The following TMEM175 variants were observed in gnomAD, a reference collection of about 807,000 sequenced individuals.
The protein encoded by TMEM175 is transmembrane protein 175, also known as endosomal/lysosomal proton channel TMEM175.
In TMEM175, 36 loss-of-function variants were observed where a neutral mutation model predicts 36.5. The ratio of observed to expected loss-of-function variants is 0.99; its 90% CI spans 0.76 to 1.30. The LOEUF (loss-of-function observed/expected upper bound fraction) is 1.30. TMEM175 is among the 50% of genes most tolerant of loss of function. The pLI, the probability that TMEM175 is intolerant of heterozygous loss-of-function variation, is 0.00. For synonymous variants in TMEM175, 339 were observed against 313.4 expected, an observed-to-expected ratio of 1.08 and a Z score of -0.86; for missense variants, 705 against 692.8, an observed-to-expected ratio of 1.02 and a Z score of -0.20.
intron 1 of TMEM175, among the ~76,000 whole-genome samples, chr4:946,698 C>G (rs1728180340): frequency 6.6e-6 from 1 of 152,180 alleles, no homozygotes; most frequent in African/African-American, 2.4e-5. Flanking sequence ...CTGTGCTGAG[C>G]CACAGCTGTG....
chr4:952,627 G>GTC (rs1196430178), intron 7 of TMEM175, among the ~76,000 whole-genome samples, 177 bp downstream of exon 7: 1 of 103,514 alleles, frequency 9.7e-6, no homozygotes, highest in East Asian at 3.2e-4. Flanking sequence ...GGGGTCCTGT[G>GTC]CTGTGTGTGT....
intron 1 of TMEM175, among the ~76,000 whole-genome samples, chr4:941,269 G>C (rs551412954): frequency 2.0e-5 from 3 of 147,736 alleles, no homozygotes; most frequent in African/African-American, 7.4e-5. Flanking sequence ...CCAGCTGCTC[G>C]GGAGGCTGAC....
chr4:948,013 C>G, intron 2 of TMEM175, 103 bp from the exon 3 acceptor site: 1 of 1,609,194 alleles, frequency 6.2e-7, no homozygotes, highest in Non-Finnish European at 8.5e-7. Context: ...CCTCAGGCAG[C>G]TTAGGGGGGC....
chr4:957,261 T>G (rs1729802692), intron 10 of TMEM175, among the ~76,000 whole-genome samples: 2 of 152,046 alleles, frequency 1.3e-5, no homozygotes, highest in Admixed American at 6.5e-5. Flanking sequence ...CTTCCCGATG[T>G]TGAAGGACGA....
intron 10 of TMEM175, chr4:956,519 T>A: frequency 8.3e-7 from 1 of 1,208,876 alleles, no homozygotes; most frequent in Non-Finnish European, 1.1e-6. Flanking sequence ...CTCAGCTCAC[T>A]GCAACCTCCG....
At chr4:944,203 G>C (rs1226620920) in intron 1 of TMEM175, among the ~76,000 whole-genome samples, 2 of 152,208 alleles carry the variant, frequency 1.3e-5, no homozygotes, top group African/African-American at 4.8e-5. Context: ...TGAGGCACAA[G>C]AATCGCTTGA....
intron 10 of TMEM175, chr4:956,791 T>C (rs1007766385): frequency 9.7e-6 from 3 of 308,264 alleles, no homozygotes. Context: ...CCTTTTGGAG[T>C]GTCTTGTTCC....
At chr4:940,223 C>T (rs1275899283) in intron 1 of TMEM175, among the ~76,000 whole-genome samples, 1 of 152,064 alleles carries the variant, frequency 6.6e-6, no homozygotes, top group Non-Finnish European at 1.5e-5. Context: ...CCAAGGCAGT[C>T]AGATCAACTG....
At chr4:941,940 A>G (rs546413678) in intron 1 of TMEM175, among the ~76,000 whole-genome samples, 1 of 151,910 alleles carries the variant, frequency 6.6e-6, no homozygotes, top group East Asian at 1.9e-4. Context: ...TCATGAAATG[A>G]TTTTCTCCGG....
intron 1 of TMEM175, among the ~76,000 whole-genome samples, chr4:933,609 C>T (rs2152994737): frequency 6.6e-6 from 1 of 152,262 alleles, no homozygotes; most frequent in East Asian, 1.9e-4. Context: ...CTAGAGTGGT[C>T]CCTTGAGGTA....
chr4:937,256 C>T (rs1398415711), intron 1 of TMEM175, among the ~76,000 whole-genome samples: 1 of 152,104 alleles, frequency 6.6e-6, no homozygotes, highest in East Asian at 1.9e-4. Context: ...GTTGACAAAT[C>T]TTCCCTTAAA....
intron 10 of TMEM175, chr4:956,491 G>A (rs1729673374): frequency 2.0e-5 from 25 of 1,262,746 alleles, no homozygotes; most frequent in Non-Finnish European, 2.6e-5. Context: ...CGCCCAGGCT[G>A]GAGTATAGTG....
Position 958,217 on chromosome 4 carries a change from C to T in TMEM175, c.1236C>T (p.Gly412=), listed in dbSNP as rs200239670. 49 of 1,601,856 alleles carry T rather than the reference C, an allele frequency of 3.1e-5. No homozygotes were observed. The highest frequency in any genetic ancestry group is 3.9e-5 in the Non-Finnish European group (46 of 1,176,162). ...CGCTGCAGCCCTCGGTGTGGTTTGG[C>T]GGCCGGGAGCATGTGCTCATGTTCG... The part of the protein sequence containing the change: ...AETLQPSVWF[G]GREHVLMFAK... Residue 412 remains glycine, a synonymous_variant, in exon 11 of 11, where the codon GGC becomes GGT. Coordinates refer to ENST00000264771, the MANE Select transcript of TMEM175 (RefSeq NM_032326.4).
At chr4:941,082 A>T (rs1727413594) in intron 1 of TMEM175, among the ~76,000 whole-genome samples, 1 of 149,532 alleles carries the variant, frequency 6.7e-6, no homozygotes, top group South Asian at 2.1e-4. Flanking sequence ...GTGAAAGTGT[A>T]TAAAAGAACT....
At chr4:941,847 A>G (rs1421618212) in intron 1 of TMEM175, among the ~76,000 whole-genome samples, 1 of 152,034 alleles carries the variant, frequency 6.6e-6, no homozygotes, top group African/African-American at 2.4e-5. Flanking sequence ...AGGCAGGAGA[A>G]TTGCTAGAGC....
intron 10 of TMEM175, 74 bp from the exon 11 acceptor site, chr4:957,750 G>A: frequency 4.8e-6 from 7 of 1,467,008 alleles, no homozygotes; most frequent in Middle Eastern, 1.8e-4. Context: ...GCCCTGACAG[G>A]CGCTCAGCCA....
chr4:958,263 T>C lies in TMEM175; in HGVS notation c.1282T>C (p.Cys428Arg), dbSNP rs1432808652. The C allele has an allele frequency of 6.2e-7, 1 of 1,605,022 alleles. No individual in the cohort carries two copies. The highest frequency in any genetic ancestry group is 1.7e-5 in the Admixed American group (1 of 59,972). ...GTTCGCCAAGCTGGCGCTGTACCCC[T>C]GTGCCAGCCTGCTGGCCTTCGCCTC... ...LMFAKLALYP[C>R]ASLLAFASTC... is the part of the protein sequence containing the mutation. The change falls in exon 11 of 11, where the codon TGT becomes CGT. Residue 428 changes from cysteine (C) to arginine (R), a missense_variant. Coordinates refer to ENST00000264771, the MANE Select transcript of TMEM175 (RefSeq NM_032326.4).
At chr4:955,167 CT>C (rs1729452450) in intron 8 of TMEM175, among the ~76,000 whole-genome samples, 1 of 152,176 alleles carries the variant, frequency 6.6e-6, no homozygotes, top group Non-Finnish European at 1.5e-5. Flanking sequence ...GTCTCGAACT[CT>C]TGGGCCCAAG....
intron 1 of TMEM175, among the ~76,000 whole-genome samples, chr4:941,898 GA>G (rs760444931): frequency 7.5e-4 from 113 of 150,194 alleles, no homozygotes; most frequent in African/African-American, 2.7e-3. Flanking sequence ...TATAAAAAAA[GA>G]AAAAAAAAGA....
Sources: gnomAD v4.1 joint callset for allele counts (sites outside exome capture counted in the v4.1 genomes callset) on GRCh38, gnomAD v4.1.1 for gene constraint, MANE v1.5 for transcripts, NCBI Gene and HGNC (gene_info 2026-07-23, HGNC 2026-07-21) for gene names.